Variants in TSPAN33 observed in about 807,000 individuals in gnomAD.
The protein encoded by TSPAN33 is tetraspanin 33.
In TSPAN33, 27 loss-of-function variants were observed where a neutral mutation model predicts 34.8. The observed-to-expected ratio is 0.78, with a 90% CI of 0.57 to 1.07. The LOEUF (loss-of-function observed/expected upper bound fraction) is 1.07, where lower values mean the gene tolerates loss of function less well. Among genes scored for constraint, TSPAN33 ranks in the 50% least tolerant of loss-of-function variants. The pLI is 0.00. For missense variants in TSPAN33, 272 were observed against 324.9 expected, an observed-to-expected ratio of 0.84 and a Z score of 1.25; for synonymous variants, 119 against 124.2, an observed-to-expected ratio of 0.96 and a Z score of 0.28.
At chr7:129,159,303 C>G (rs925520838) in intron 1 of TSPAN33, among the ~76,000 whole-genome samples, 7 of 152,224 alleles carry the variant, frequency 4.6e-5, no homozygotes, top group Non-Finnish European at 8.8e-5. Flanking sequence ...TCGTGATCCA[C>G]CCGCTTTGGC....
rs773915384 is a variant in TSPAN33 at position 129,162,839 on chromosome 7, C to T, written c.295C>T (p.Leu99Phe). ...ENICLLQTFS[L>F]CLTAVFLLQL... ...TCTTCCTGCTGCTCCACAGTTCTCC[C>T]TCTGCCTCACCGCTGTGTTCCTGCT... Residue 99 changes from leucine to phenylalanine, a missense_variant, in exon 4 of 8, where the codon CTC becomes TTC. By Grantham distance (22) the Leu-to-Phe change is conservative. Transcript: ENST00000486685. 37 of 1,613,754 alleles carry T rather than the reference C, an allele frequency of 2.3e-5. No homozygotes were observed. Among genetic ancestry groups the T allele is most frequent in the Non-Finnish European group, 3.1e-5 (36 of 1,179,974 alleles).
At chr7:129,164,703 A>G (rs1793110307) in intron 5 of TSPAN33, 134 bp downstream of exon 5, 1 of 757,992 alleles carries the variant, frequency 1.3e-6, no homozygotes, top group Admixed American at 2.0e-5. Context: ...TTTGGCAAAA[A>G]AGCACACGTA....
chr7:129,155,484 TATC>T (rs1208555107), intron 1 of TSPAN33, among the ~76,000 whole-genome samples: 1 of 152,220 alleles, frequency 6.6e-6, no homozygotes, highest in Non-Finnish European at 1.5e-5. Context: ...TGTATCAAAA[TATC>T]ATATGTATCC....
chr7:129,151,419 C>G (rs865829726), intron 1 of TSPAN33, among the ~76,000 whole-genome samples: 5 of 152,068 alleles, frequency 3.3e-5, no homozygotes, highest in Non-Finnish European at 2.9e-5. Flanking sequence ...CATGCCTGGC[C>G]CTACCTTGAT....
intron 1 of TSPAN33, among the ~76,000 whole-genome samples, chr7:129,158,756 C>CT (rs1267709716): frequency 2.6e-5 from 4 of 152,104 alleles, no homozygotes; most frequent in South Asian, 2.1e-4. Context: ...ATTTTCTTTT[C>CT]TTTTTTTTCT....
chr7:129,164,344 T>G, intron 4 of TSPAN33, 130 bp from the exon 5 acceptor site: 11 of 787,372 alleles, frequency 1.4e-5, no homozygotes, highest in Non-Finnish European at 1.5e-5. Context: ...TCTTCCACCA[T>G]TAGGACTCGG....
chr7:129,152,134 G>A (rs1304307448), intron 1 of TSPAN33, among the ~76,000 whole-genome samples: 3 of 152,244 alleles, frequency 2.0e-5, no homozygotes, highest in Admixed American at 2.0e-4. Flanking sequence ...CACTTGGCTA[G>A]TGGGGAAGTA....
At chr7:129,154,187 G>A (rs1241984472) in intron 1 of TSPAN33, among the ~76,000 whole-genome samples, 2 of 150,944 alleles carry the variant, frequency 1.3e-5, no homozygotes, top group African/African-American at 2.4e-5. Flanking sequence ...TAAAAATCAG[G>A]TGAGTGTCAT....
At chr7:129,145,142 G>T in intron 1 of TSPAN33, 60 bp downstream of exon 1, 2 of 593,320 alleles carry the variant, frequency 3.4e-6, no homozygotes. Flanking sequence ...TGGAAGGGTG[G>T]CCCGGGGTGC....
At chr7:129,161,374 ACT>A (rs1793046288) in intron 1 of TSPAN33, among the ~76,000 whole-genome samples, 1 of 151,970 alleles carries the variant, frequency 6.6e-6, no homozygotes, top group Non-Finnish European at 1.5e-5. Context: ...ATTCTTAATC[ACT>A]CTTCAGTATT....
At chr7:129,166,500 G>C (rs1327816673) in intron 5 of TSPAN33, 1 of 276,586 alleles carries the variant, frequency 3.6e-6, no homozygotes, top group Admixed American at 5.2e-5. Flanking sequence ...GAAGATTATA[G>C]CTGAGTATGT....
intron 1 of TSPAN33, among the ~76,000 whole-genome samples, chr7:129,156,476 C>T (rs570675136): frequency 1.2e-4 from 19 of 152,332 alleles, no homozygotes; most frequent in African/African-American, 4.3e-4. Context: ...GGAGTACCTA[C>T]ATGAATTATT....
intron 1 of TSPAN33, among the ~76,000 whole-genome samples, chr7:129,151,341 A>G (rs1810591201): frequency 6.6e-6 from 1 of 152,056 alleles, no homozygotes; most frequent in Non-Finnish European, 1.5e-5. Flanking sequence ...CTGGTCTTCA[A>G]ATCCTGGCCT....
At chr7:129,155,743 A>G (rs1309520022) in intron 1 of TSPAN33, among the ~76,000 whole-genome samples, 2 of 150,980 alleles carry the variant, frequency 1.3e-5, no homozygotes, top group Non-Finnish European at 2.9e-5. Flanking sequence ...TTTTTTTGAG[A>G]CAGGGTCTTG....
Position 129,162,354 on chromosome 7 carries a change from TGGGCACCAGGCTCAGGCTGAGGGCCGG to T in TSPAN33, c.161-39_161-13del. On this transcript the variant is annotated splice_polypyrimidine_tract_variant and intron_variant, in intron 2 of 7. Coordinates refer to ENST00000486685, the MANE Select transcript of TSPAN33 (RefSeq NM_178562.5). ...CCCACCCCATCCAGGGGTTCCTCAG[TGGGCACCAGGCTCAGGCTGAGGGCCGG>T]CTCCTTTTCCAGAAGCAGCCCTAGC... The T allele has an allele frequency of 6.2e-7, 1 of 1,605,680 alleles. No individual in the cohort carries two copies. Among genetic ancestry groups the T allele is most frequent in the Non-Finnish European group, 8.5e-7 (1 of 1,179,688 alleles).
chr7:129,157,688 C>T (rs1563137397), intron 1 of TSPAN33, among the ~76,000 whole-genome samples: 1 of 152,150 alleles, frequency 6.6e-6, no homozygotes, highest in Non-Finnish European at 1.5e-5. Context: ...TTAAGCCTCT[C>T]CCCCAACAAC....
chr7:129,150,066 C>T (rs117171042), intron 1 of TSPAN33, among the ~76,000 whole-genome samples: 2,091 of 152,320 alleles, frequency 0.014, 20 homozygotes, highest in South Asian at 0.027. Context: ...TTTTGATTGC[C>T]ACACAGGGAA....
chr7:129,161,736 G>C lies in TSPAN33; in HGVS notation c.160G>C (p.Glu54Gln), dbSNP rs1271936611. Residue 54 changes from glutamate to glutamine, a missense_variant and splice_region_variant, in exon 2 of 8, where the codon GAA becomes CAA. Physicochemically the swap from Glu to Gln is conservative, Grantham distance 29. Transcript: ENST00000486685. Reference protein sequence around the residue: ...GVYARLMKHAEAALACLAVDP... With the variant: ...GVYARLMKHAQAALACLAVDP... ...CTACGCTCGGCTAATGAAGCATGCA[G>C]GTGAGCTGTAGCTCTCCCTCCCTGC... The C allele has an allele frequency of 6.2e-7, 1 of 1,614,166 alleles. No homozygotes were observed. Among genetic ancestry groups the C allele is most frequent in the Admixed American group, 1.7e-5 (1 of 60,024 alleles).
chr7:129,164,125 A>G (rs1057059385), intron 4 of TSPAN33, among the ~76,000 whole-genome samples: 3 of 152,204 alleles, frequency 2.0e-5, no homozygotes, highest in African/African-American at 7.2e-5. Flanking sequence ...GCAGTGCCTC[A>G]GCTCAGTAAG....
Sources: gnomAD v4.1 joint callset for allele counts (sites outside exome capture counted in the v4.1 genomes callset) on GRCh38, gnomAD v4.1.1 for gene constraint, MANE v1.5 for transcripts, NCBI Gene and HGNC (gene_info 2026-07-23, HGNC 2026-07-21) for gene names.